SMG1: variants seen among roughly 807,000 people sequenced by gnomAD.
SMG1 encodes SMG1 nonsense mediated mRNA decay associated PI3K related kinase.
A neutral mutation model predicts 419.9 loss-of-function variants in SMG1; 22 were observed. The ratio of observed to expected loss-of-function variants is 0.05; its 90% CI spans 0.04 to 0.07. The LOEUF (loss-of-function observed/expected upper bound fraction) is 0.07, where lower values mean the gene tolerates loss of function less well. SMG1 is among the 10% of genes least tolerant of loss of function. SMG1 has a pLI of 1.00. For missense variants in SMG1, 3,185 were observed against 4,342.0 expected (o/e 0.73, Z 7.49); for synonymous variants, 1,538 against 1,553.5 (o/e 0.99, Z 0.23).
intron 13 of SMG1, among the ~76,000 whole-genome samples, chr16:18,874,721 C>A (rs1596568635): frequency 6.6e-6 from 1 of 150,488 alleles, no homozygotes; most frequent in East Asian, 2.0e-4. Context: ...CAAAAATTAG[C>A]CCGTCGTAGT....
intron 62 of SMG1, among the ~76,000 whole-genome samples, chr16:18,811,113 G>T (rs2031352509): frequency 6.6e-6 from 1 of 152,106 alleles, no homozygotes; most frequent in Non-Finnish European, 1.5e-5. Flanking sequence ...TATCCAAAAT[G>T]CTTGGGACCT....
Position 18,806,646 on chromosome 16 carries a change from T to C in SMG1, c.*2923A>G, listed in dbSNP as rs3751746. 1 of 152,118 alleles carries C rather than the reference T, an allele frequency of 6.6e-6. No individual in the cohort carries two copies. Among genetic ancestry groups the C allele is most frequent in the East Asian group, 1.9e-4 (1 of 5,194 alleles). 9.4% of individuals were successfully genotyped at this position (152,118 alleles called of 1,614,324 possible). ...ATTAAAGACAGCAAAAAACTTAAGATTGAACTTCAATTTCCAAGGGTACTT... is the reference window on the plus strand; with the variant it reads ...ATTAAAGACAGCAAAAAACTTAAGACTGAACTTCAATTTCCAAGGGTACTT... On this transcript the variant is annotated 3_prime_UTR_variant, in exon 63 of 63. Coordinates refer to ENST00000446231, the MANE Select transcript of SMG1 (RefSeq NM_015092.5).
Position 18,806,126 on chromosome 16 carries a change from G to GT in SMG1, c.*3442dup, listed in dbSNP as rs776900209. ...TGCACATCAAGTCTAATATTTGGCTGTACTTGCATTGCCCTGCTCGGCATT... is the reference window on the plus strand; with the variant it reads ...TGCACATCAAGTCTAATATTTGGCTGTTACTTGCATTGCCCTGCTCGGCATT... On this transcript the variant is annotated 3_prime_UTR_variant, in exon 63 of 63. Transcript: ENST00000446231. 4.6e-5 allele frequency: 7 copies of GT among 152,556 alleles called. No homozygotes were observed. The highest frequency in any genetic ancestry group is 1.0e-4 in the Non-Finnish European group (7 of 68,036). The allele number at this position is 152,556 out of a possible 1,614,324, so 9.5% of individuals were successfully genotyped here.
chr16:18,848,965 G>A (rs532385519), intron 36 of SMG1, among the ~76,000 whole-genome samples: 7 of 150,108 alleles, frequency 4.7e-5, no homozygotes, highest in African/African-American at 1.7e-4. Context: ...CAGCTACTCG[G>A]GAAGCTGAGG....
Position 18,854,835 on chromosome 16 carries a change from C to T in SMG1, c.4304G>A (p.Arg1435Gln), listed in dbSNP as rs1328030375. The change falls in exon 30 of 63, where the codon CGA becomes CAA. Residue 1435 changes from arginine to glutamine, a missense_variant. Physicochemically the swap from Arg to Gln is conservative, Grantham distance 43 (BLOSUM62 1). Coordinates refer to ENST00000446231, the MANE Select transcript of SMG1 (RefSeq NM_015092.5). ...GLTAAKFARKRGNVSLATRLL... is the reference protein window; with the variant it reads ...GLTAAKFARKQGNVSLATRLL... Reference sequence around the variant, plus strand: ...TCTTGTTGCAAGGGACACATTCCCTCGTTTTCTAGCAAATTTTGCTGCTGT... The same window carrying T: ...TCTTGTTGCAAGGGACACATTCCCTTGTTTTCTAGCAAATTTTGCTGCTGT... 3.7e-6 allele frequency: 6 copies of T among 1,613,870 alleles called. No individual in the cohort carries two copies. The highest frequency in any genetic ancestry group is 1.6e-4 in the Middle Eastern group (1 of 6,082).
chr16:18,917,314 G>C (rs545776902), intron 1 of SMG1, among the ~76,000 whole-genome samples: 1 of 151,480 alleles, frequency 6.6e-6, no homozygotes, highest in Non-Finnish European at 1.5e-5. Context: ...CACCATGCCC[G>C]GCTAATTATT....
chr16:18,882,799 G>A lies in SMG1; in HGVS notation c.1120-461C>T, dbSNP rs139837065. ...ATTACAAGACCTGGTCTACAGATGT[G>A]TAATTGAAGAAGTACGATATATGAA... On this transcript the variant is annotated intron_variant, in intron 9 of 62. Transcript: ENST00000446231. 1.2e-3 allele frequency among the ~76,000 whole-genome samples: 190 copies of A among 152,304 alleles called. 1 individual carries two copies. The highest frequency in any genetic ancestry group is 4.5e-3 in the African/African-American group (185 of 41,538).
At chr16:18,910,308 G>A (rs1432872315) in intron 1 of SMG1, among the ~76,000 whole-genome samples, 27 of 149,278 alleles carry the variant, frequency 1.8e-4, no homozygotes, top group African/African-American at 6.2e-4. Flanking sequence ...TTGGCTCACT[G>A]CAACCTCTGC....
intron 6 of SMG1, among the ~76,000 whole-genome samples, chr16:18,888,989 ATTTT>A (rs918479395): frequency 3.3e-5 from 5 of 150,676 alleles, no homozygotes; most frequent in African/African-American, 9.8e-5. Context: ...CGCCTGGCTA[ATTTT>A]TTTTGTATTT....
At chr16:18,811,341 C>CT (rs1475533808) in intron 62 of SMG1, among the ~76,000 whole-genome samples, 1 of 152,168 alleles carries the variant, frequency 6.6e-6, no homozygotes, top group Non-Finnish European at 1.5e-5. Context: ...AGGCATGGAA[C>CT]TTTTCACTTA....
chr16:18,915,660 T>C (rs890948044), intron 1 of SMG1, among the ~76,000 whole-genome samples: 18 of 152,032 alleles, frequency 1.2e-4, no homozygotes, highest in Admixed American at 1.3e-4. Context: ...GTGGTAAGGA[T>C]ATGAAAAAAA....
chr16:18,842,645 C>A (rs1390461569), intron 39 of SMG1, among the ~76,000 whole-genome samples, 191 bp from the exon 40 acceptor site: 1 of 152,086 alleles, frequency 6.6e-6, no homozygotes, highest in Admixed American at 6.6e-5. Context: ...AGCAACATGG[C>A]AAAACCCCAT....
chr16:18,838,658 A>G lies in SMG1; in HGVS notation c.6977T>C (p.Met2326Thr). Residue 2326 changes from methionine to threonine, a missense_variant, in exon 43 of 63, where the codon ATG (methionine) becomes ACG (threonine). Physicochemically the swap from Met to Thr is moderately conservative, Grantham distance 81. Around this residue, in one of 27 missense-constraint regions of SMG1, gnomAD observed 132 missense variants for 151.0 expected, o/e 0.87. Coordinates refer to ENST00000446231, the MANE Select transcript of SMG1 (RefSeq NM_015092.5). Reference protein sequence around the residue: ...SYARSTAVMSMVGYIIGLGDR... With the variant: ...SYARSTAVMSTVGYIIGLGDR... Reference sequence around the variant, plus strand: ...TCCAAGGCCAATTATGTATCCAACCATAGACATGACTGCAGTAGATCTTGC... The same window carrying G: ...TCCAAGGCCAATTATGTATCCAACCGTAGACATGACTGCAGTAGATCTTGC... 5 of 1,611,834 alleles carry G rather than the reference A, an allele frequency of 3.1e-6. No individual in the cohort carries two copies. The highest frequency in any genetic ancestry group is 4.2e-6 in the Non-Finnish European group (5 of 1,178,918).
chr16:18,923,828 G>A (rs562734803), intron 1 of SMG1, among the ~76,000 whole-genome samples: 6 of 152,250 alleles, frequency 3.9e-5, no homozygotes, highest in African/African-American at 1.2e-4. Flanking sequence ...TCAGTTACCT[G>A]GAGTCTGTCG....
At chr16:18,826,987 A>T (rs112908408) in intron 55 of SMG1, among the ~76,000 whole-genome samples, 2 of 40,772 alleles carry the variant, frequency 4.9e-5, no homozygotes, top group Non-Finnish European at 1.4e-4. Context: ...GCCGGTCTGA[A>T]AAGCGTAATA....
rs371362229 is a variant in SMG1 at position 18,850,223 on chromosome 16, A to C, written c.5283+14T>G. The C allele has an allele frequency of 6.3e-7, 1 of 1,595,150 alleles. No homozygotes were observed. Among genetic ancestry groups the C allele is most frequent in the African/African-American group, 1.3e-5 (1 of 74,430 alleles). On this transcript the variant is annotated intron_variant, in intron 34 of 62. Transcript: ENST00000446231. ...TTTCCAAAATAAATTTTCTTAGAAC[A>C]CTGTGCTACATACTTGACCAGCGTT... is the stretch of plus-strand genomic sequence containing the variant.
At chr16:18,810,711 T>C (rs865898818) in intron 62 of SMG1, among the ~76,000 whole-genome samples, 1 of 152,150 alleles carries the variant, frequency 6.6e-6, no homozygotes, top group Non-Finnish European at 1.5e-5. Context: ...ATTGGAGAAA[T>C]CTGAATGTGG....
At chr16:18,851,967 G>C in intron 33 of SMG1, 100 bp downstream of exon 33, 2 of 1,223,912 alleles carry the variant, frequency 1.6e-6, no homozygotes, top group Admixed American at 5.7e-5. Context: ...ACAACAATTG[G>C]TAAGCCCCAT....
intron 13 of SMG1, among the ~76,000 whole-genome samples, chr16:18,874,328 G>C (rs942150245): frequency 6.6e-6 from 1 of 151,486 alleles, no homozygotes; most frequent in Admixed American, 6.6e-5. Context: ...TAGTAGAGGC[G>C]AGGTTTCACC....
Sources: allele counts gnomAD v4.1 joint callset (sites outside exome capture counted in the v4.1 genomes callset), GRCh38; gene constraint gnomAD v4.1.1; regional missense constraint gnomAD v4.1.1; transcripts MANE v1.5; gene names NCBI Gene and HGNC (gene_info 2026-07-23, HGNC 2026-07-21).